The following SGCD variants were observed in gnomAD, a reference collection of about 807,000 sequenced individuals.
SGCD encodes delta-sarcoglycan.
In SGCD, 18 loss-of-function variants were observed where a neutral mutation model predicts 36.6. The observed-to-expected ratio is 0.49, with a 90% CI of 0.34 to 0.73. The LOEUF (loss-of-function observed/expected upper bound fraction) is 0.73, where lower values mean the gene tolerates loss of function less well. SGCD is among the 30% of genes least tolerant of loss of function. The pLI is 0.01. For synonymous variants in SGCD, 133 were observed against 130.6 expected, an observed-to-expected ratio of 1.02 and a Z score of -0.12; for missense variants, 387 against 346.7, an observed-to-expected ratio of 1.12 and a Z score of -0.92.
intron 3 of SGCD, among the ~76,000 whole-genome samples, chr5:156,434,232 T>A (rs1049231161): frequency 6.6e-6 from 1 of 152,246 alleles, no homozygotes; most frequent in Non-Finnish European, 1.5e-5. Context: ...TAAAGTAGTC[T>A]TATTAAAACA....
chr5:156,481,976 G>A (rs923071474), intron 3 of SGCD, among the ~76,000 whole-genome samples: 1 of 152,118 alleles, frequency 6.6e-6, no homozygotes, highest in Non-Finnish European at 1.5e-5. Context: ...AGGAATCAGC[G>A]GGACCCACAG....
chr5:156,731,833 T>C (rs1756077937), intron 7 of SGCD, among the ~76,000 whole-genome samples: 1 of 151,980 alleles, frequency 6.6e-6, no homozygotes, highest in African/African-American at 2.4e-5. Flanking sequence ...TGCCATCTCA[T>C]TGAGCAGTGG....
At chr5:156,294,280 G>A (rs968100298) in intron 3 of SGCD, among the ~76,000 whole-genome samples, 2 of 152,172 alleles carry the variant, frequency 1.3e-5, no homozygotes, top group South Asian at 4.1e-4. Context: ...TGTGAACAGA[G>A]ATAATTTTAT....
At chr5:155,878,095 G>A (rs1312391517) in intron 1 of SGCD, among the ~76,000 whole-genome samples, 1 of 152,044 alleles carries the variant, frequency 6.6e-6, no homozygotes, top group Non-Finnish European at 1.5e-5. Flanking sequence ...TGGGCTTATG[G>A]CAGAACTGGA....
Position 156,151,243 on chromosome 5 carries a change from T to C in SGCD, c.-44+27224T>C, listed in dbSNP as rs1762826710. 3.3e-5 allele frequency among the ~76,000 whole-genome samples: 5 copies of C among 151,698 alleles called. 1 individual carries two copies. Among genetic ancestry groups the C allele is most frequent in the Admixed American group, 3.3e-4 (5 of 15,264 alleles). On this transcript the variant is annotated intron_variant, in intron 3 of 9. Transcript: ENST00000517913. ...CTAGAAAGGAAGAGACAAACTTTCC[T>C]GTATCTATGGCAGTCACCTGCAAGG...
intron 3 of SGCD, among the ~76,000 whole-genome samples, chr5:156,490,061 A>G (rs924902342): frequency 3.3e-5 from 5 of 152,150 alleles, no homozygotes. Flanking sequence ...AAATGCAAGG[A>G]TAAAGACTAT....
chr5:156,115,884 C>A (rs1005009612), intron 1 of SGCD, among the ~76,000 whole-genome samples: 2 of 152,070 alleles, frequency 1.3e-5, no homozygotes, highest in South Asian at 2.1e-4. Flanking sequence ...TTAAGGATAA[C>A]AACTTGATGT....
intron 7 of SGCD, among the ~76,000 whole-genome samples, chr5:156,651,644 C>T (rs1763466270): frequency 6.6e-6 from 1 of 152,010 alleles, no homozygotes; most frequent in Non-Finnish European, 1.5e-5. Context: ...CTATTCTGTT[C>T]CATTGGTCTA....
At chr5:155,876,663 C>T (rs971273117) in intron 1 of SGCD, among the ~76,000 whole-genome samples, 2 of 152,196 alleles carry the variant, frequency 1.3e-5, no homozygotes. Context: ...TCATCTAAGT[C>T]CATGCCCAAA....
intron 1 of SGCD, among the ~76,000 whole-genome samples, chr5:155,904,658 TAGAC>T (rs1225306106): frequency 2.0e-5 from 3 of 152,178 alleles, no homozygotes; most frequent in African/African-American, 2.4e-5. Context: ...GAGGGAGAGA[TAGAC>T]AGACAGATAT....
chr5:155,890,356 G>C (rs1756095436), intron 1 of SGCD, among the ~76,000 whole-genome samples: 1 of 152,184 alleles, frequency 6.6e-6, no homozygotes, highest in African/African-American at 2.4e-5. Context: ...GGGTGTGATG[G>C]CTCATGGCTG....
At chr5:156,593,693 C>T (rs1017868055) in intron 5 of SGCD, among the ~76,000 whole-genome samples, 1 of 152,046 alleles carries the variant, frequency 6.6e-6, no homozygotes, top group African/African-American at 2.4e-5. Context: ...TCTGAGATGC[C>T]CTATGGTTTT....
At chr5:156,356,793 G>A (rs570856464) in intron 3 of SGCD, among the ~76,000 whole-genome samples, 1 of 152,274 alleles carries the variant, frequency 6.6e-6, no homozygotes, top group South Asian at 2.1e-4. Context: ...ACCCAGGTGG[G>A]CCCTCAATTC....
chr5:156,368,253 G>A (rs1346048873), intron 3 of SGCD, among the ~76,000 whole-genome samples: 1 of 152,006 alleles, frequency 6.6e-6, no homozygotes, highest in Non-Finnish European at 1.5e-5. Context: ...ACCATACCCA[G>A]CTAATTTTTT....
intron 3 of SGCD, among the ~76,000 whole-genome samples, chr5:156,500,519 A>G (rs1447514576): frequency 6.6e-6 from 1 of 152,266 alleles, no homozygotes; most frequent in African/African-American, 2.4e-5. Context: ...ATGTGCTGAC[A>G]GAATTAAAAA....
chr5:155,814,910 AT>A, the SGCD span, among the ~76,000 whole-genome samples: 1 of 152,210 alleles, frequency 6.6e-6, no homozygotes, highest in Non-Finnish European at 1.5e-5. Context: ...TTTTCAATTA[AT>A]GGACATGTTT....
At chr5:156,510,531 G>A (rs1436287563) in intron 4 of SGCD, among the ~76,000 whole-genome samples, 1 of 152,112 alleles carries the variant, frequency 6.6e-6, no homozygotes, top group African/African-American at 2.4e-5. Flanking sequence ...GTTTAGTTTA[G>A]TCATTTCCTT....
At position 156,644,262 on chromosome 5, in the gene SGCD, A is replaced by G. The variant is rs193287399; in HGVS notation, c.503-3202A>G. On this transcript the variant is annotated intron_variant, in intron 6 of 8. Transcript: ENST00000337851. Reference sequence around the variant, plus strand: ...TGTGTCTAGTGTTTCTCCCAAATCCAATTTTTGTGTGTCACATTTTGCAAA... The same window carrying G: ...TGTGTCTAGTGTTTCTCCCAAATCCGATTTTTGTGTGTCACATTTTGCAAA... Among the ~76,000 whole-genome samples the G allele has an allele frequency of 4.7e-3, 720 of 152,164 alleles. 4 individuals are homozygous for G. The highest frequency in any genetic ancestry group is 8.4e-3 in the Non-Finnish European group (571 of 67,970).
chr5:156,220,438 T>A (rs1581176210), intron 3 of SGCD, among the ~76,000 whole-genome samples: 2 of 152,156 alleles, frequency 1.3e-5, no homozygotes, highest in South Asian at 4.1e-4. Context: ...AATCTTCAGG[T>A]ATAGGCATGA....
Sources: allele counts gnomAD v4.1 joint callset (sites outside exome capture counted in the v4.1 genomes callset), GRCh38; gene constraint gnomAD v4.1.1; transcripts MANE v1.5; gene names NCBI Gene and HGNC (gene_info 2026-07-23, HGNC 2026-07-21).